ULK4: variants seen among roughly 807,000 people sequenced by gnomAD.
ULK4 encodes inactive serine/threonine-protein kinase ULK4.
A neutral mutation model predicts 160.6 loss-of-function variants in ULK4; 133 were observed. The observed-to-expected ratio is 0.83, with a 90% CI of 0.72 to 0.96. The LOEUF is 0.96. Among genes scored for constraint, ULK4 ranks in the 40% least tolerant of loss-of-function variants. ULK4 has a pLI of 0.00. For missense variants in ULK4, 1,580 were observed against 1,499.5 expected (o/e 1.05, Z -0.89); for synonymous variants, 534 against 539.8 (o/e 0.99, Z 0.15).
chr3:41,935,209 A>ATTTATTTATTTTTTTTTTT (rs1559660879), intron 4 of ULK4, among the ~76,000 whole-genome samples: 1 of 135,556 alleles, frequency 7.4e-6, no homozygotes, highest in African/African-American at 3.3e-5. Context: ...TTATTTATTT[A>ATTTATTTATTTTTTTTTTT]TTTTTTTTTT....
intron 20 of ULK4, among the ~76,000 whole-genome samples, chr3:41,791,948 T>C (rs967983106): frequency 6.6e-6 from 1 of 152,208 alleles, no homozygotes; most frequent in African/African-American, 2.4e-5. Flanking sequence ...GGGATTTTTA[T>C]TCATTTGGAG....
intron 32 of ULK4, among the ~76,000 whole-genome samples, chr3:41,510,935 G>A (rs1471888474): frequency 6.6e-6 from 1 of 151,952 alleles, no homozygotes; most frequent in African/African-American, 2.4e-5. Context: ...GGCTGAGGCG[G>A]GTGGATCACA....
intron 17 of ULK4, among the ~76,000 whole-genome samples, chr3:41,877,097 C>T (rs1286037978): frequency 6.6e-6 from 1 of 151,938 alleles, no homozygotes; most frequent in African/African-American, 2.4e-5. Flanking sequence ...AAATTGAAAA[C>T]ATATGTAACT....
intron 34 of ULK4, among the ~76,000 whole-genome samples, chr3:41,453,865 A>G (rs2083476606): frequency 6.6e-6 from 1 of 152,034 alleles, no homozygotes; most frequent in Non-Finnish European, 1.5e-5. Flanking sequence ...GGATGAGTTC[A>G]TGTCCTTTGT....
Position 41,554,985 on chromosome 3 carries a change from CAGATT to C in ULK4, c.3226+11035_3226+11039del, listed in dbSNP as rs554498569. 9.1e-4 allele frequency among the ~76,000 whole-genome samples: 138 copies of C among 152,076 alleles called. 1 individual carries two copies. Among genetic ancestry groups the C allele is most frequent in the African/African-American group, 3.3e-3 (136 of 41,488 alleles). The stretch of plus-strand genomic sequence containing the variant: ...GAAAAGAAAAATGATCAAAGCATGA[CAGATT>C]AGAATTTCCGAGTAAGGTATACATA... On this transcript the variant is annotated intron_variant, in intron 32 of 36. Coordinates refer to ENST00000301831, the MANE Select transcript of ULK4 (RefSeq NM_017886.4).
intron 15 of ULK4, among the ~76,000 whole-genome samples, chr3:41,896,093 T>A (rs1315709095): frequency 2.0e-5 from 3 of 151,746 alleles, no homozygotes; most frequent in African/African-American, 4.8e-5. Context: ...AGGAAAAAAA[T>A]GTCTTAGAGG....
intron 25 of ULK4, among the ~76,000 whole-genome samples, chr3:41,714,599 T>C (rs2037201553): frequency 6.6e-6 from 1 of 152,138 alleles, no homozygotes; most frequent in African/African-American, 2.4e-5. Flanking sequence ...ACATAATTCA[T>C]GAGCTAAACA....
chr3:41,650,857 A>G (rs1415611808), intron 30 of ULK4, among the ~76,000 whole-genome samples: 3 of 152,220 alleles, frequency 2.0e-5, no homozygotes, highest in Non-Finnish European at 4.4e-5. Context: ...TCTGGCCAGG[A>G]AAGCCAAAAT....
At chr3:41,633,157 C>T (rs1357122791) in intron 30 of ULK4, among the ~76,000 whole-genome samples, 1 of 152,218 alleles carries the variant, frequency 6.6e-6, no homozygotes, top group African/African-American at 2.4e-5. Flanking sequence ...TCATGTTAGT[C>T]ATGCTGAGTT....
At chr3:41,580,054 A>G (rs2030157357) in intron 31 of ULK4, among the ~76,000 whole-genome samples, 1 of 152,184 alleles carries the variant, frequency 6.6e-6, no homozygotes, top group South Asian at 2.1e-4. Flanking sequence ...CACTCAAAGT[A>G]CACAGAGTAA....
At chr3:41,857,472 G>A (rs190576201) in intron 17 of ULK4, among the ~76,000 whole-genome samples, 2 of 152,116 alleles carry the variant, frequency 1.3e-5, no homozygotes, top group Non-Finnish European at 2.9e-5. Flanking sequence ...AATTCTGGAA[G>A]TACTCTCTCC....
intron 30 of ULK4, among the ~76,000 whole-genome samples, chr3:41,632,451 G>C (rs2033789655): frequency 6.6e-6 from 1 of 152,042 alleles, no homozygotes; most frequent in South Asian, 2.1e-4. Flanking sequence ...AGATTTCTCT[G>C]TCTTCATTCA....
chr3:41,259,006 A>G lies in ULK4; in HGVS notation c.3679-9432T>C, dbSNP rs192075610. ...TACAGATATACATATATACATATGT[A>G]TACATATATACATATCTATGTGTAT... On this transcript the variant is annotated intron_variant, in intron 35 of 36. Coordinates refer to ENST00000301831, the MANE Select transcript of ULK4 (RefSeq NM_017886.4). Among the ~76,000 whole-genome samples the G allele has an allele frequency of 1.2e-4, 18 of 149,382 alleles. No homozygotes were observed. In the East Asian group the frequency reaches 2.7e-3, roughly 23 times the overall value.
chr3:41,606,944 T>G (rs543525613), intron 31 of ULK4, among the ~76,000 whole-genome samples: 1 of 152,322 alleles, frequency 6.6e-6, no homozygotes, highest in African/African-American at 2.4e-5. Flanking sequence ...TCTTTTGCTG[T>G]GCAGAAGCTT....
At chr3:41,769,521 A>G (rs755290481) in intron 21 of ULK4, among the ~76,000 whole-genome samples, 25 of 152,356 alleles carry the variant, frequency 1.6e-4, no homozygotes, top group Non-Finnish European at 3.2e-4. Flanking sequence ...ATTACTGTGC[A>G]GAAAAAGAGC....
rs536359081 is a variant in ULK4 at position 41,686,447 on chromosome 3, A to C, written c.2782-4643T>G. Among the ~76,000 whole-genome samples, 275 of 152,222 alleles carry C rather than the reference A, an allele frequency of 1.8e-3. 1 individual carries two copies. The highest frequency in any genetic ancestry group is 6.6e-3 in the African/African-American group (274 of 41,518). ...ACGAAGAGTTAGATTTAGAGGCCTAAATTAGAGCCTCTAATTTGATGACTT... is the reference window on the plus strand; with the variant it reads ...ACGAAGAGTTAGATTTAGAGGCCTACATTAGAGCCTCTAATTTGATGACTT... On this transcript the variant is annotated intron_variant, in intron 27 of 36. Coordinates refer to ENST00000301831, the MANE Select transcript of ULK4 (RefSeq NM_017886.4).
At chr3:41,469,602 C>CAAAAAA (rs71616008) in intron 32 of ULK4, among the ~76,000 whole-genome samples, 16 of 11,312 alleles carry the variant, frequency 1.4e-3, no homozygotes, top group African/African-American at 4.1e-3. Flanking sequence ...CTACACCTGC[C>CAAAAAA]AAAAAAAAAA....
chr3:41,953,298 ATATATATTTTTT>A (rs1221816348), intron 2 of ULK4, among the ~76,000 whole-genome samples: 11 of 113,138 alleles, frequency 9.7e-5, no homozygotes, highest in Non-Finnish European at 1.9e-4. Context: ...ATATATATAT[ATATATATTTTTT>A]TTTTTTTTTG....
At chr3:41,705,332 TAG>T (rs753683199) in intron 25 of ULK4, 27 bp from the exon 26 acceptor site, 8 of 1,558,750 alleles carry the variant, frequency 5.1e-6, no homozygotes, top group African/African-American at 4.1e-5. Flanking sequence ...TTTTAATAAA[TAG>T]AGTTTCAAAG....
Sources: gnomAD v4.1 joint callset for allele counts (sites outside exome capture counted in the v4.1 genomes callset) on GRCh38, gnomAD v4.1.1 for gene constraint, MANE v1.5 for transcripts, NCBI Gene and HGNC (gene_info 2026-07-23, HGNC 2026-07-21) for gene names.